The following PLAGL1 variants were observed in gnomAD, a reference collection of about 807,000 sequenced individuals.
The protein encoded by PLAGL1 is PLAG1 like zinc finger 1.
A neutral mutation model predicts 4.6 loss-of-function variants in PLAGL1; 1 was observed. The ratio of observed to expected loss-of-function variants is 0.22; its 90% confidence interval spans 0.08 to 1.03. The LOEUF is 1.03. Ranked by LOEUF, PLAGL1 falls within the 50% of genes least tolerant of loss-of-function variation. The pLI is 0.58. For missense variants in PLAGL1, 464 were observed against 570.4 expected (o/e 0.81, Z 1.90); for synonymous variants, 240 against 237.8 (o/e 1.01, Z -0.08).
chr6:144,061,823 C>T lies in PLAGL1; in HGVS notation c.-151+2645G>A, dbSNP rs1165670264. ...CTAGTTATTCCTTTTTTTAATTCCTCTTACGATTTTCCTTTTGTGCACTTC... is the reference window on the plus strand; with the variant it reads ...CTAGTTATTCCTTTTTTTAATTCCTTTTACGATTTTCCTTTTGTGCACTTC... On this transcript the variant is annotated intron_variant, in intron 1 of 3. Coordinates refer to the PLAGL1 transcript ENST00000437412. This position sits in a 1 kb window ranked among gnomAD's most constrained non-coding sequence, Gnocchi z 4.4. 6.6e-6 allele frequency among the ~76,000 whole-genome samples: 1 copy of T among 152,140 alleles called. No individual in the cohort carries two copies. Among genetic ancestry groups the T allele is most frequent in the East Asian group, 1.9e-4 (1 of 5,198 alleles).
chr6:144,032,121 A>AT (rs111598351), intron 1 of PLAGL1, among the ~76,000 whole-genome samples: 8,532 of 142,262 alleles, frequency 0.06, 764 homozygotes, highest in African/African-American at 0.2. Context: ...AACTTATTGC[A>AT]TTTTTTTTTT....
Position 143,958,687 on chromosome 6 carries a change from T to C in PLAGL1, c.-325+1782A>G, listed in dbSNP as rs1782699029. ...TTTGAGAAATAAAAATATTTATCACTGGTCCTTTAAGATTATCCTGATTCT... is the reference window on the plus strand; with the variant it reads ...TTTGAGAAATAAAAATATTTATCACCGGTCCTTTAAGATTATCCTGATTCT... On this transcript the variant is annotated intron_variant, in intron 6 of 7. Coordinates refer to ENST00000674357, the MANE Select transcript of PLAGL1 (RefSeq NM_001317162.2). The surrounding 1 kb of genome is among the most constrained non-coding windows in gnomAD (Gnocchi z 5.1). Among the ~76,000 whole-genome samples the C allele has an allele frequency of 6.6e-6, 1 of 152,260 alleles. No individual in the cohort carries two copies. The highest frequency in any genetic ancestry group is 1.5e-5 in the Non-Finnish European group (1 of 68,050).
At position 144,053,499 on chromosome 6, in the gene PLAGL1, A is replaced by G. The variant is rs1226216052; in HGVS notation, c.-151+10969T>C. Among the ~76,000 whole-genome samples, 3 of 152,212 alleles carry G rather than the reference A, an allele frequency of 2.0e-5. No homozygotes were observed. The highest frequency in any genetic ancestry group is 7.2e-5 in the African/African-American group (3 of 41,462). ...CATCTTGCTACCACCTATGAGGGAT[A>G]CAAAAGGTCCCAGTGCTTGCCATCT... is the stretch of plus-strand genomic sequence containing the variant. On this transcript the variant is annotated intron_variant, in intron 1 of 3. Transcript: ENST00000437412. This position sits in a 1 kb window ranked among gnomAD's most constrained non-coding sequence, Gnocchi z 4.0.
rs1790096875 is a variant in PLAGL1 at position 143,990,045 on chromosome 6, T to G, written c.-583-4871A>C. ...CCAACTCCACCTCTCTATTCAAAAT[T>G]TCTTATACATTATCTTCTCCCTTTT... On this transcript the variant is annotated intron_variant, in intron 1 of 7. Coordinates refer to ENST00000674357, the MANE Select transcript of PLAGL1 (RefSeq NM_001317162.2). The surrounding 1 kb of genome is among the most constrained non-coding windows in gnomAD (Gnocchi z 5.4). Among the ~76,000 whole-genome samples the G allele has an allele frequency of 6.6e-6, 1 of 152,138 alleles. No individual in the cohort carries two copies. Among genetic ancestry groups the G allele is most frequent in the Non-Finnish European group, 1.5e-5 (1 of 68,024 alleles).
rs1795528514 is a variant in PLAGL1 at position 144,015,841 on chromosome 6, A to G, written c.-150-46863T>C. The stretch of plus-strand genomic sequence containing the variant: ...TTGAAAGTTTCTTATAAAGTTAAAC[A>G]TACTCTTATTATATGACCCAGCAAT... On this transcript the variant is annotated intron_variant, in intron 1 of 3. Coordinates refer to the PLAGL1 transcript ENST00000437412. This position sits in a 1 kb window ranked among gnomAD's most constrained non-coding sequence, Gnocchi z 4.3. Among the ~76,000 whole-genome samples the G allele has an allele frequency of 6.6e-6, 1 of 152,232 alleles. No homozygotes were observed. Among genetic ancestry groups the G allele is most frequent in the African/African-American group, 2.4e-5 (1 of 41,460 alleles).
intron 1 of PLAGL1, among the ~76,000 whole-genome samples, chr6:144,018,980 G>A (rs1776697036): frequency 6.6e-6 from 1 of 152,010 alleles, no homozygotes; most frequent in Admixed American, 6.6e-5. Flanking sequence ...GCTGCACTGA[G>A]TTATGACCGC....
chr6:144,031,024 AT>A (rs112283556), intron 1 of PLAGL1, among the ~76,000 whole-genome samples: 198 of 151,404 alleles, frequency 1.3e-3, no homozygotes, highest in Non-Finnish European at 2.5e-3. Context: ...CAACATCTGT[AT>A]TTTTTTTTAT....
rs539228136 is a variant in PLAGL1 at position 144,029,635 on chromosome 6, C to G, written c.-151+34833G>C. Among the ~76,000 whole-genome samples, 4 of 152,314 alleles carry G rather than the reference C, an allele frequency of 2.6e-5. 1 individual carries two copies. The South Asian group carries it at 8.3e-4, about 32-fold the overall frequency. On this transcript the variant is annotated intron_variant, in intron 1 of 3. Coordinates refer to the PLAGL1 transcript ENST00000437412. ...ATTGGCAATGATTCAAAAATCTTAA[C>G]ACATACTATGCTGTCAAGCATTTGG... is the stretch of plus-strand genomic sequence containing the variant.
rs77511770 is a variant in PLAGL1 at position 143,953,438 on chromosome 6, C to G, written c.-324-4978G>C. ...ACAAGAAAGACAAAGTGAATTATTT[C>G]TCTAATATTCAGGGAAAAAATTGAG... is the stretch of plus-strand genomic sequence containing the variant. On this transcript the variant is annotated intron_variant, in intron 6 of 7. Coordinates refer to ENST00000674357, the MANE Select transcript of PLAGL1 (RefSeq NM_001317162.2). The surrounding 1 kb of genome is among the most constrained non-coding windows in gnomAD (Gnocchi z 5.3). Among the ~76,000 whole-genome samples the G allele has an allele frequency of 1.8e-4, 27 of 152,350 alleles. No homozygotes were observed. In the East Asian group the frequency reaches 5.0e-3, roughly 28 times the overall value.
chr6:144,011,083 A>G (rs1795145857), upstream of PLAGL1, among the ~76,000 whole-genome samples: 1 of 152,240 alleles, frequency 6.6e-6, no homozygotes, highest in South Asian at 2.1e-4. The surrounding 1 kb of genome is among the most constrained non-coding windows in gnomAD (Gnocchi z 4.3). Context: ...AGCAATGGCA[A>G]CAAAAGCCAA....
chr6:143,974,397 C>G (rs768874), intron 2 of PLAGL1, among the ~76,000 whole-genome samples: 112,316 of 147,772 alleles, frequency 0.76, 42,193 homozygotes, highest in East Asian at 0.87. Context: ...GGTGGGGTTG[C>G]GGGGGAGGTC....
chr6:144,012,431 T>G (rs530242759), upstream of PLAGL1, among the ~76,000 whole-genome samples: 14 of 152,146 alleles, frequency 9.2e-5, no homozygotes, highest in East Asian at 2.7e-3. The surrounding 1 kb of genome is among the most constrained non-coding windows in gnomAD (Gnocchi z 4.8). Context: ...TGGGGGGAAG[T>G]TCGCCATGTT....
rs1182420511 is a variant in PLAGL1 at position 144,013,523 on chromosome 6, T to C, written c.-150-44545A>G. The stretch of plus-strand genomic sequence containing the variant: ...AACAAATTACCACAAACTGGTGGCA[T>C]AAAACATGAAATTTATTTTCTGAGT... On this transcript the variant is annotated intron_variant, in intron 1 of 3. Coordinates refer to the PLAGL1 transcript ENST00000437412. The surrounding 1 kb of genome is among the most constrained non-coding windows in gnomAD (Gnocchi z 4.4). 6.6e-6 allele frequency among the ~76,000 whole-genome samples: 1 copy of C among 152,232 alleles called. No homozygotes were observed. Among genetic ancestry groups the C allele is most frequent in the Non-Finnish European group, 1.5e-5 (1 of 68,032 alleles).
At chr6:143,974,031 G>A (rs541880514) in intron 2 of PLAGL1, among the ~76,000 whole-genome samples, 15 of 152,338 alleles carry the variant, frequency 9.8e-5, no homozygotes, top group Admixed American at 3.3e-4. Flanking sequence ...TTGTTGGGGT[G>A]AGGATGGTTA....
rs928182639 is a variant in PLAGL1, at chr6:143,948,394, C to A, written c.-258G>T. Reference sequence around the variant, plus strand: ...GGGGAGAAAGTCTGAGGCACAGGTGCGATTCAGGAGCAGAAAGGTAATCTG... The same window carrying A: ...GGGGAGAAAGTCTGAGGCACAGGTGAGATTCAGGAGCAGAAAGGTAATCTG... On this transcript the variant is annotated 5_prime_UTR_variant, in exon 7 of 8. Coordinates refer to ENST00000674357, the MANE Select transcript of PLAGL1 (RefSeq NM_001317162.2). The surrounding 1 kb of genome is among the most constrained non-coding windows in gnomAD (Gnocchi z 6.0). 2 of 424,002 alleles carry A rather than the reference C, an allele frequency of 4.7e-6. No homozygotes were observed. The highest frequency in any genetic ancestry group is 2.0e-5 in the African/African-American group (1 of 50,366). 26.3% of individuals were successfully genotyped at this position (424,002 alleles called of 1,614,324 possible).
In PLAGL1 at chr6:143,963,016, A is replaced by G. The variant is rs1221776155; in HGVS notation, c.-399+1771T>C. ...ATTTCAGCAAGATGGATCATGGTGAACAATGAGATTATTTCTTTGAAATGA... is the reference window on the plus strand; with the variant it reads ...ATTTCAGCAAGATGGATCATGGTGAGCAATGAGATTATTTCTTTGAAATGA... On this transcript the variant is annotated intron_variant, in intron 5 of 7. Coordinates refer to ENST00000674357, the MANE Select transcript of PLAGL1 (RefSeq NM_001317162.2). This position sits in a 1 kb window ranked among gnomAD's most constrained non-coding sequence, Gnocchi z 6.1. Among the ~76,000 whole-genome samples the G allele has an allele frequency of 6.6e-6, 1 of 152,238 alleles. No homozygotes were observed. The highest frequency in any genetic ancestry group is 1.5e-5 in the Non-Finnish European group (1 of 68,046).
rs948739739 is a variant in PLAGL1 at position 143,959,473 on chromosome 6, G to A, written c.-325+996C>T. ...CCCTAACTAGAACTGCTAGGTCCTA[G>A]TAGATATGTTGGCCCTGTTGGGATT... On this transcript the variant is annotated intron_variant, in intron 6 of 7. Transcript: ENST00000674357. This position sits in a 1 kb window ranked among gnomAD's most constrained non-coding sequence, Gnocchi z 5.3. Among the ~76,000 whole-genome samples, 2 of 152,150 alleles carry A rather than the reference G, an allele frequency of 1.3e-5. No individual in the cohort carries two copies. The highest frequency in any genetic ancestry group is 2.4e-5 in the African/African-American group (1 of 41,426).
At position 144,039,324 on chromosome 6, in the gene PLAGL1, C is replaced by A. The variant is rs895088327; in HGVS notation, c.-151+25144G>T. On this transcript the variant is annotated intron_variant, in intron 1 of 3. Coordinates refer to the PLAGL1 transcript ENST00000437412. The surrounding 1 kb of genome is among the most constrained non-coding windows in gnomAD (Gnocchi z 4.1). ...TGCTGGCCAGATGCAGTGGCTCACA[C>A]CTGTAATCTCAACACTTTGGGAGGC... Among the ~76,000 whole-genome samples, 1 of 152,126 alleles carries A rather than the reference C, an allele frequency of 6.6e-6. No individual in the cohort carries two copies. Among genetic ancestry groups the A allele is most frequent in the Non-Finnish European group, 1.5e-5 (1 of 68,020 alleles).
At chr6:144,014,768 C>T (rs534878062) in intron 1 of PLAGL1, among the ~76,000 whole-genome samples, 50 of 152,082 alleles carry the variant, frequency 3.3e-4, no homozygotes, top group African/African-American at 1.1e-3. Flanking sequence ...TTAGTAGAGA[C>T]AGGGTTTTGC....
Sources: gnomAD v4.1 joint callset for allele counts (sites outside exome capture counted in the v4.1 genomes callset) on GRCh38, gnomAD v4.1.1 for gene constraint, Gnocchi (gnomAD v3.1) non-coding constraint, MANE v1.5 for transcripts, NCBI Gene and HGNC (gene_info 2026-07-23, HGNC 2026-07-21) for gene names.